The following FKBP15 variants were observed in gnomAD, a reference collection of about 807,000 sequenced individuals.
FKBP15 encodes FK506-binding protein 15.
FKBP15 carries 106 observed loss-of-function variants against 158.1 expected under a neutral mutation model. That is an observed-to-expected ratio of 0.67 (90% CI 0.57 to 0.79). FKBP15 has a LOEUF of 0.79. Ranked by LOEUF, FKBP15 falls within the 30% of genes least tolerant of loss-of-function variation. The pLI, the probability that FKBP15 is intolerant of heterozygous loss-of-function variation, is 0.00. For synonymous variants in FKBP15, 547 were observed against 548.6 expected (o/e 1.00, Z 0.04); for missense variants, 1,287 against 1,479.1 (o/e 0.87, Z 2.13).
At chr9:113,206,146 T>C (rs1047467904) in intron 4 of FKBP15, 1 of 198,032 alleles carries the variant, frequency 5.0e-6, no homozygotes, top group African/African-American at 2.3e-5. Flanking sequence ...AATGGTTAAA[T>C]GGCAAATTTT....
At chr9:113,203,077 C>T (rs755298224) in intron 4 of FKBP15, 42 bp from the exon 5 acceptor site, 1 of 1,345,198 alleles carries the variant, frequency 7.4e-7, no homozygotes, top group East Asian at 2.3e-5. Context: ...AAAAGAGAGA[C>T]AGCAGAAGTT....
In FKBP15 at chr9:113,162,872, T is replaced by C; in HGVS notation, c.*3206A>G. On this transcript the variant is annotated 3_prime_UTR_variant, in exon 28 of 28. Transcript: ENST00000238256. Reference sequence around the variant, plus strand: ...TTTTCCTTGGTGTGGTCTTGGGCTCTGCTGTGGGCTACTACCTAGCTTACC... The same window carrying C: ...TTTTCCTTGGTGTGGTCTTGGGCTCCGCTGTGGGCTACTACCTAGCTTACC... 1 of 1,613,316 alleles carries C rather than the reference T, an allele frequency of 6.2e-7. No homozygotes were observed. Among genetic ancestry groups the C allele is most frequent in the Non-Finnish European group, 8.5e-7 (1 of 1,179,772 alleles).
chr9:113,210,003 C>T (rs556188149), intron 2 of FKBP15, among the ~76,000 whole-genome samples: 39 of 152,312 alleles, frequency 2.6e-4, no homozygotes, highest in Non-Finnish European at 4.7e-4. Flanking sequence ...TACAGCTAAC[C>T]TGTCCAGATA....
At chr9:113,183,448 T>C (rs1325784578) in intron 18 of FKBP15, among the ~76,000 whole-genome samples, 1 of 151,986 alleles carries the variant, frequency 6.6e-6, no homozygotes, top group Non-Finnish European at 1.5e-5. Flanking sequence ...GTTCTGTAAG[T>C]AATAATACCA....
At chr9:113,187,061 C>T (rs1443024413) in intron 14 of FKBP15, 1 of 152,096 alleles carries the variant, frequency 6.6e-6, no homozygotes, top group East Asian at 1.9e-4. Flanking sequence ...ACTACGCATC[C>T]ACTTAAAAAA....
intron 1 of FKBP15, among the ~76,000 whole-genome samples, chr9:113,212,516 C>A (rs1354815311): frequency 6.6e-6 from 1 of 152,052 alleles, no homozygotes; most frequent in East Asian, 1.9e-4. Context: ...TTGCTACTAA[C>A]CCCAGTTTAC....
Position 113,184,873 on chromosome 9 carries a change from G to C in FKBP15, c.1499-69C>G. 1.7e-6 allele frequency: 2 copies of C among 1,197,688 alleles called. No homozygotes were observed. Among genetic ancestry groups the C allele is most frequent in the Non-Finnish European group, 2.4e-6 (2 of 838,686 alleles). 74.2% of individuals were successfully genotyped at this position (1,197,688 alleles called of 1,614,324 possible). On this transcript the variant is annotated intron_variant, in intron 15 of 27. Transcript: ENST00000238256. The surrounding 1 kb of genome is among the most constrained non-coding windows in gnomAD (Gnocchi z 4.5). ...GAGGAAACTGTATGAAGAAAAGCTA[G>C]TAGCTCTTCCAGTAAAGAAAGAAAT...
chr9:113,195,122 G>T (rs942298633), intron 9 of FKBP15, among the ~76,000 whole-genome samples: 2 of 152,086 alleles, frequency 1.3e-5, no homozygotes, highest in African/African-American at 4.8e-5. Context: ...AAGCTTGTGG[G>T]AGTTATTTAT....
intron 8 of FKBP15, among the ~76,000 whole-genome samples, chr9:113,197,616 C>T (rs1830712648): frequency 6.6e-6 from 1 of 152,174 alleles, no homozygotes; most frequent in Admixed American, 6.5e-5. Flanking sequence ...TTGCAGAGAA[C>T]TGAGATCGTG....
rs1830821839 is a variant in FKBP15 at position 113,202,979 on chromosome 9, A to G, written c.381T>C (p.His127=). Residue 127 remains histidine (H), a synonymous_variant, in exon 5 of 28, where the codon CAT becomes CAC. Coordinates refer to ENST00000238256, the MANE Select transcript of FKBP15 (RefSeq NM_015258.2). Reference sequence around the variant, plus strand: ...GTCTTACCATTAGCTCAAAGTTCACATGAATCCTAGCAACCGTAACTGGCT... The same window carrying G: ...GTCTTACCATTAGCTCAAAGTTCACGTGAATCCTAGCAACCGTAACTGGCT... ...QQQPVTVARI[H]VNFELMVRPN... 6.2e-7 allele frequency: 1 copy of G among 1,612,906 alleles called. No individual in the cohort carries two copies. Among genetic ancestry groups the G allele is most frequent in the Non-Finnish European group, 8.5e-7 (1 of 1,179,444 alleles).
intron 19 of FKBP15, among the ~76,000 whole-genome samples, chr9:113,179,617 T>C (rs943640445): frequency 1.9e-4 from 28 of 150,044 alleles, no homozygotes; most frequent in Non-Finnish European, 5.9e-5. Flanking sequence ...GCTGAGATCG[T>C]GCCACTGCAC....
At chr9:113,190,752 T>A (rs1371419982) in intron 11 of FKBP15, among the ~76,000 whole-genome samples, 174 bp from the exon 12 acceptor site, 1 of 152,234 alleles carries the variant, frequency 6.6e-6, no homozygotes, top group East Asian at 1.9e-4. Context: ...TATACATGGA[T>A]CACAATTAAT....
chr9:113,218,407 A>T (rs1198449495), intron 1 of FKBP15, among the ~76,000 whole-genome samples: 1 of 117,806 alleles, frequency 8.5e-6, no homozygotes, highest in African/African-American at 3.3e-5. Flanking sequence ...ATATATATAT[A>T]TATATACATT....
chr9:113,193,542 C>A lies in FKBP15; in HGVS notation c.1015G>T (p.Ala339Ser). The change falls in exon 11 of 28, where the codon GCT becomes TCT. Residue 339 changes from alanine (A) to serine (S), a missense_variant. Ala to Ser is a moderately conservative substitution (Grantham distance 99, BLOSUM62 1). Transcript: ENST00000238256. ...AGGGAGTTAGATTTGGTACGAAGAG[C>A]TGGCTCCCTGAAAGCAAATAGACCA... ...TSIPFKSGEP[A>S]LRTKSNSLSE... 6.3e-7 allele frequency: 1 copy of A among 1,597,690 alleles called. No homozygotes were observed. Among genetic ancestry groups the A allele is most frequent in the East Asian group, 2.2e-5 (1 of 44,468 alleles).
At chr9:113,191,371 G>C (rs1037026418) in intron 11 of FKBP15, among the ~76,000 whole-genome samples, 13 of 151,810 alleles carry the variant, frequency 8.6e-5, no homozygotes, top group Non-Finnish European at 1.9e-4. Context: ...TGCCCAGGCT[G>C]CATTTTTATT....
chr9:113,178,820 T>A lies in FKBP15; in HGVS notation c.1915-19A>T. 4 of 1,587,584 alleles carry A rather than the reference T, an allele frequency of 2.5e-6. No individual in the cohort carries two copies. Among genetic ancestry groups the A allele is most frequent in the Non-Finnish European group, 3.4e-6 (4 of 1,166,162 alleles). ...CCTTGGCCTGAATAATAACAAAGTA[T>A]GATGTCACTTTAAACATAGGTGTTC... On this transcript the variant is annotated intron_variant, in intron 19 of 27. Transcript: ENST00000238256.
intron 4 of FKBP15, chr9:113,206,236 C>CAACA (rs926083595): frequency 2.1e-6 from 1 of 485,268 alleles, no homozygotes; most frequent in African/African-American, 2.2e-5. Flanking sequence ...CACAATTGAA[C>CAACA]AACAAACAAA....
At position 113,161,172 on chromosome 9, in the gene FKBP15, A is replaced by G. The variant is rs1008274329; in HGVS notation, c.*4906T>C. The G allele has an allele frequency of 1.3e-5, 3 of 228,338 alleles. No homozygotes were observed. Among genetic ancestry groups the G allele is most frequent in the Non-Finnish European group, 2.5e-5 (3 of 119,434 alleles). 14.1% of individuals were successfully genotyped at this position (228,338 alleles called of 1,614,324 possible). A position where few individuals can be genotyped will look rare whatever the true frequency, so the allele number is the denominator to read the frequency against. ...ATCTTTCCTTCCAGACATTTTTTGCATACTTACATATAAATAGGACCTTGC... is the reference window on the plus strand; with the variant it reads ...ATCTTTCCTTCCAGACATTTTTTGCGTACTTACATATAAATAGGACCTTGC... On this transcript the variant is annotated 3_prime_UTR_variant, in exon 28 of 28. Transcript: ENST00000238256.
chr9:113,190,479 C>T lies in FKBP15; in HGVS notation c.1165G>A (p.Glu389Lys). 6.2e-7 allele frequency: 1 copy of T among 1,609,218 alleles called. No individual in the cohort carries two copies. The change falls in exon 12 of 28, where the codon GAA becomes AAA. Residue 389 changes from glutamate (E) to lysine (K), a missense_variant. Physicochemically the swap from Glu to Lys is moderately conservative, Grantham distance 56. Coordinates refer to ENST00000238256, the MANE Select transcript of FKBP15 (RefSeq NM_015258.2). ...LPPQLDSNDS[E>K]IEDVNTLQGG... ...CAGCCAGGGGGACATACTTCGATTT[C>T]TGAATCATTGGAATCCAGCTGTGGT...
Sources: allele counts gnomAD v4.1 joint callset (sites outside exome capture counted in the v4.1 genomes callset), GRCh38; gene constraint gnomAD v4.1.1; non-coding constraint Gnocchi (gnomAD v3.1); transcripts MANE v1.5; gene names NCBI Gene and HGNC (gene_info 2026-07-23, HGNC 2026-07-21).